The following CDC14B variants were observed in gnomAD, a reference collection of about 807,000 sequenced individuals.
CDC14B encodes the protein dual specificity protein phosphatase CDC14B.
CDC14B carries 22 observed loss-of-function variants against 64.2 expected under a neutral mutation model. The ratio of observed to expected loss-of-function variants is 0.34; its 90% CI spans 0.24 to 0.49. CDC14B has a LOEUF of 0.49. Among genes scored for constraint, CDC14B ranks in the 20% least tolerant of loss-of-function variants. The pLI is 0.99. For missense variants in CDC14B, 498 were observed against 629.9 expected, an observed-to-expected ratio of 0.79 and a Z score of 2.24; for synonymous variants, 191 against 215.8, an observed-to-expected ratio of 0.89 and a Z score of 1.01.
intron 1 of CDC14B, among the ~76,000 whole-genome samples, chr9:96,578,612 C>A (rs1179736867): frequency 1.3e-5 from 2 of 152,074 alleles, no homozygotes; most frequent in Non-Finnish European, 2.9e-5. Flanking sequence ...GCACATTCTA[C>A]AAAATAGCTG....
intron 1 of CDC14B, among the ~76,000 whole-genome samples, chr9:96,611,015 A>G (rs1476915426): frequency 6.6e-6 from 1 of 152,140 alleles, no homozygotes; most frequent in African/African-American, 2.4e-5. Flanking sequence ...TCTACAGTTT[A>G]AAGTCATATA....
intron 5 of CDC14B, among the ~76,000 whole-genome samples, chr9:96,549,549 T>C (rs192812954): frequency 1.3e-5 from 2 of 151,714 alleles, no homozygotes; most frequent in African/African-American, 2.4e-5. Flanking sequence ...CCTGTAGTCC[T>C]AGCTACTCGG....
intron 1 of CDC14B, among the ~76,000 whole-genome samples, chr9:96,581,448 G>A (rs1447883791): frequency 1.5e-5 from 2 of 136,476 alleles, no homozygotes; most frequent in Admixed American, 6.9e-5. Context: ...CAGCCTGGGC[G>A]ATAGAGACCT....
intron 4 of CDC14B, among the ~76,000 whole-genome samples, chr9:96,557,237 G>GC (rs754149232): frequency 1.6e-3 from 251 of 152,326 alleles, no homozygotes; most frequent in Non-Finnish European, 3.0e-3. Context: ...CCCACTGAGG[G>GC]CCTGTGCCGT....
intron 9 of CDC14B, among the ~76,000 whole-genome samples, chr9:96,531,053 G>C (rs1043488325): frequency 6.6e-6 from 1 of 152,130 alleles, no homozygotes; most frequent in Non-Finnish European, 1.5e-5. Context: ...CCATTGGCTA[G>C]TATTTTGTTC....
chr9:96,541,946 T>TA, intron 5 of CDC14B, 54 bp from the exon 6 acceptor site: 1 of 1,220,326 alleles, frequency 8.2e-7, no homozygotes, highest in South Asian at 1.3e-5. Flanking sequence ...CAATTACACT[T>TA]ACCTAAGACA....
At chr9:96,581,164 A>T (rs561400166) in intron 1 of CDC14B, among the ~76,000 whole-genome samples, 1 of 152,294 alleles carries the variant, frequency 6.6e-6, no homozygotes, top group East Asian at 1.9e-4. Flanking sequence ...CAGGAGGTGG[A>T]GGTTGAGGTG....
intron 1 of CDC14B, among the ~76,000 whole-genome samples, chr9:96,599,182 C>A (rs1260952933): frequency 6.6e-6 from 1 of 152,114 alleles, no homozygotes; most frequent in African/African-American, 2.4e-5. Flanking sequence ...GAGTTCAAGA[C>A]CAACTTGGCC....
At chr9:96,517,527 C>T (rs1011678655) in intron 12 of CDC14B, among the ~76,000 whole-genome samples, 1 of 147,902 alleles carries the variant, frequency 6.8e-6, no homozygotes, top group African/African-American at 2.5e-5. Flanking sequence ...TGGCAGGCAC[C>T]ACGCTACTCG....
intron 1 of CDC14B, among the ~76,000 whole-genome samples, chr9:96,600,883 C>T (rs1258398036): frequency 6.6e-6 from 1 of 152,128 alleles, no homozygotes; most frequent in African/African-American, 2.4e-5. Context: ...TCCTAAAATT[C>T]TCTACCCAAT....
At chr9:96,555,599 C>T (rs16911260) in intron 4 of CDC14B, among the ~76,000 whole-genome samples, 74 of 152,278 alleles carry the variant, frequency 4.9e-4, no homozygotes, top group African/African-American at 1.7e-3. Flanking sequence ...AAGGAAATGG[C>T]CGTTTCCATT....
In CDC14B at chr9:96,541,764, T is replaced by C. The variant is rs1051803040; in HGVS notation, c.564+62A>G. 2.5e-6 allele frequency: 3 copies of C among 1,204,768 alleles called. No individual in the cohort carries two copies. The Admixed American group carries it at 6.9e-5, about 28-fold the overall frequency. 74.6% of individuals were successfully genotyped at this position (1,204,768 alleles called of 1,614,324 possible). Reference sequence around the variant, plus strand: ...AAAAGATCTCGGGAAGAAGGCCTAGTTTTCTTGGACCGCATGTTAGTTCCT... The same window carrying C: ...AAAAGATCTCGGGAAGAAGGCCTAGCTTTCTTGGACCGCATGTTAGTTCCT... On this transcript the variant is annotated intron_variant, in intron 6 of 13. Coordinates refer to ENST00000375241, the MANE Select transcript of CDC14B (RefSeq NM_033331.4).
At chr9:96,568,504 C>T (rs1028708945) in intron 1 of CDC14B, among the ~76,000 whole-genome samples, 5 of 152,156 alleles carry the variant, frequency 3.3e-5, no homozygotes, top group African/African-American at 9.7e-5. Flanking sequence ...GGATAAGGTG[C>T]TGCAGTGTGT....
chr9:96,593,308 G>T (rs1252802974), intron 1 of CDC14B, among the ~76,000 whole-genome samples: 1 of 152,048 alleles, frequency 6.6e-6, no homozygotes, highest in Non-Finnish European at 1.5e-5. Flanking sequence ...CCAAGATGGT[G>T]AAACCCCGTC....
chr9:96,603,213 T>C (rs1181096082), intron 1 of CDC14B, among the ~76,000 whole-genome samples: 1 of 149,284 alleles, frequency 6.7e-6, no homozygotes, highest in East Asian at 2.0e-4. Flanking sequence ...ACATCTCTGG[T>C]AAGACACACA....
intron 10 of CDC14B, 73 bp downstream of exon 10, chr9:96,523,514 A>C (rs16911070): frequency 7.9e-5 from 126 of 1,603,372 alleles, no homozygotes; most frequent in Non-Finnish European, 1.0e-4. Flanking sequence ...TGGAAACTAA[A>C]GGAAATTCCA....
rs1164375929 is a variant in CDC14B, at chr9:96,566,775, C to T, written c.161-1292G>A. On this transcript the variant is annotated intron_variant, in intron 1 of 13. Transcript: ENST00000375241. ...CCCGCCCTCCCGGCTCACCTTTGAT[C>T]ACCTCGGCTACCAAAGCTGCCCCCG... is the stretch of plus-strand genomic sequence containing the variant. 3 of 1,607,322 alleles carry T rather than the reference C, an allele frequency of 1.9e-6. No individual in the cohort carries two copies. In the South Asian group the frequency reaches 3.3e-5, roughly 18 times the overall value.
At chr9:96,577,521 C>G (rs1342537771) in intron 1 of CDC14B, among the ~76,000 whole-genome samples, 1 of 152,062 alleles carries the variant, frequency 6.6e-6, no homozygotes, top group East Asian at 1.9e-4. Context: ...AAAAGTTGAA[C>G]ATAATAATTC....
chr9:96,505,947 T>C (rs1269909315), intron 13 of CDC14B, among the ~76,000 whole-genome samples: 2 of 152,242 alleles, frequency 1.3e-5, no homozygotes, highest in Non-Finnish European at 2.9e-5. Context: ...CCCAAGTAAT[T>C]GCTCTTTTGA....
Sources: allele counts gnomAD v4.1 joint callset (sites outside exome capture counted in the v4.1 genomes callset), GRCh38; gene constraint gnomAD v4.1.1; transcripts MANE v1.5; gene names NCBI Gene and HGNC (gene_info 2026-07-23, HGNC 2026-07-21).